Variants in CSMD1 observed in about 807,000 individuals in gnomAD.
CSMD1 encodes CUB and Sushi multiple domains 1, also known as CUB and sushi domain-containing protein 1.
Under a neutral mutation model 417.5 loss-of-function variants are expected in CSMD1, and 213 were observed. The observed-to-expected ratio is 0.51, with a 90% CI of 0.46 to 0.57. The LOEUF is 0.57. Among genes scored for constraint, CSMD1 ranks in the 20% least tolerant of loss-of-function variants. The pLI is 0.00. For missense variants in CSMD1, 6,923 were observed against 4,529.7 expected (o/e 1.53, Z -15.17); for synonymous variants, 2,862 against 1,736.8 (o/e 1.65, Z -16.11).
At chr8:3,685,650 C>CT (rs1799908918) in intron 7 of CSMD1, among the ~76,000 whole-genome samples, 1 of 152,076 alleles carries the variant, frequency 6.6e-6, no homozygotes, top group Admixed American at 6.5e-5. Context: ...TTTTAGAGGC[C>CT]TGGGGGTGCT....
intron 3 of CSMD1, among the ~76,000 whole-genome samples, chr8:4,301,685 A>G (rs966452525): frequency 6.6e-6 from 1 of 152,132 alleles, no homozygotes; most frequent in African/African-American, 2.4e-5. Context: ...CATGGACCAG[A>G]TTATTATTTT....
intron 1 of CSMD1, among the ~76,000 whole-genome samples, chr8:4,839,432 T>G (rs569715059): frequency 1.2e-4 from 18 of 152,322 alleles, no homozygotes; most frequent in African/African-American, 4.1e-4. Flanking sequence ...GTATTTCTAG[T>G]TCTGAAAAAA....
chr8:3,226,414 C>G (rs1218631198), intron 27 of CSMD1, among the ~76,000 whole-genome samples: 1 of 151,902 alleles, frequency 6.6e-6, no homozygotes, highest in Non-Finnish European at 1.5e-5. Flanking sequence ...AAAACCTAGT[C>G]TCTACTAAAA....
chr8:4,013,691 G>T (rs1027669284), intron 4 of CSMD1, among the ~76,000 whole-genome samples: 3 of 152,106 alleles, frequency 2.0e-5, no homozygotes, highest in African/African-American at 7.2e-5. Flanking sequence ...TTCTTGTTTT[G>T]TTCATATTGT....
At chr8:4,363,950 A>G (rs549349022) in intron 3 of CSMD1, among the ~76,000 whole-genome samples, 1 of 152,318 alleles carries the variant, frequency 6.6e-6, no homozygotes, top group South Asian at 2.1e-4. Context: ...AAGTACAAAA[A>G]AGAAAGAATG....
chr8:3,436,098 G>C (rs1814541704), intron 12 of CSMD1, among the ~76,000 whole-genome samples: 2 of 152,106 alleles, frequency 1.3e-5, no homozygotes, highest in Non-Finnish European at 2.9e-5. Context: ...AAGGAGCAGA[G>C]GCTCCCTCAC....
chr8:3,363,668 C>CA (rs1240427491), intron 20 of CSMD1, among the ~76,000 whole-genome samples: 1 of 152,200 alleles, frequency 6.6e-6, no homozygotes, highest in Non-Finnish European at 1.5e-5. Flanking sequence ...GCTGCGACCA[C>CA]AGGCGCCTGC....
intron 40 of CSMD1, among the ~76,000 whole-genome samples, chr8:3,143,044 T>A (rs1818601377): frequency 6.6e-6 from 1 of 152,220 alleles, no homozygotes; most frequent in East Asian, 1.9e-4. Context: ...ATCTTAAATA[T>A]GAAGTTGTGA....
At chr8:4,806,656 G>C (rs187148545) in intron 1 of CSMD1, among the ~76,000 whole-genome samples, 4 of 152,270 alleles carry the variant, frequency 2.6e-5, no homozygotes, top group East Asian at 1.9e-4. Context: ...ACCATACAAA[G>C]AAAAGAAGCA....
At chr8:3,926,110 C>CACACACACACAAACACCAT (rs1809699067) in intron 5 of CSMD1, among the ~76,000 whole-genome samples, 7 of 79,272 alleles carry the variant, frequency 8.8e-5, no homozygotes, top group Non-Finnish European at 1.5e-4. Context: ...CACACACACA[C>CACACACACACAAACACCAT]ACACACACAC....
At position 2,935,826 on chromosome 8, in the gene CSMD1, A is replaced by AT. The variant is rs1387686968; in HGVS notation, c.*2758dup. The AT allele has an allele frequency of 3.3e-5, 5 of 152,200 alleles. No homozygotes were observed. The highest frequency in any genetic ancestry group is 3.3e-4 in the Admixed American group (5 of 15,278). 9.4% of individuals were successfully genotyped at this position (152,200 alleles called of 1,614,324 possible). A position where few individuals can be genotyped will look rare whatever the true frequency, so the allele number is the denominator to read the frequency against. ...ATAGCTTTTTGTTGTTGTTTACAAA[A>AT]TATTTTACAGAAGAAAAAAATTATT... On this transcript the variant is annotated 3_prime_UTR_variant, in exon 70 of 70. Transcript: ENST00000635120.
At chr8:4,821,163 C>G (rs1799501174) in intron 1 of CSMD1, among the ~76,000 whole-genome samples, 1 of 152,174 alleles carries the variant, frequency 6.6e-6, no homozygotes, top group Non-Finnish European at 1.5e-5. Flanking sequence ...CACAGATCCT[C>G]TCTTCTCTGT....
At chr8:3,683,513 G>T (rs1039652594) in intron 7 of CSMD1, among the ~76,000 whole-genome samples, 1 of 152,142 alleles carries the variant, frequency 6.6e-6, no homozygotes, top group African/African-American at 2.4e-5. Flanking sequence ...CTCACTTGGA[G>T]GGGGAGGTAT....
chr8:3,499,132 G>T (rs1384789508), intron 10 of CSMD1, among the ~76,000 whole-genome samples: 1 of 152,186 alleles, frequency 6.6e-6, no homozygotes, highest in Non-Finnish European at 1.5e-5. Context: ...ATATTAGAAT[G>T]TAGTTTTAGT....
intron 10 of CSMD1, among the ~76,000 whole-genome samples, chr8:3,501,878 G>A (rs1353715728): frequency 2.0e-5 from 3 of 152,080 alleles, no homozygotes; most frequent in Non-Finnish European, 4.4e-5. Context: ...TTAATGATAA[G>A]GAGACAAACT....
At chr8:4,844,670 G>A (rs544303646) in intron 1 of CSMD1, among the ~76,000 whole-genome samples, 26 of 152,204 alleles carry the variant, frequency 1.7e-4, no homozygotes, top group Non-Finnish European at 3.2e-4. Context: ...GGATCAAAAA[G>A]AAATAGAATT....
intron 3 of CSMD1, among the ~76,000 whole-genome samples, chr8:4,092,732 A>G (rs1217009297): frequency 6.6e-6 from 1 of 152,098 alleles, no homozygotes; most frequent in Non-Finnish European, 1.5e-5. Flanking sequence ...CAACTTTTTA[A>G]CTTCCACATT....
intron 33 of CSMD1, among the ~76,000 whole-genome samples, chr8:3,197,760 G>A (rs1045460984): frequency 3.3e-5 from 5 of 152,144 alleles, no homozygotes; most frequent in Non-Finnish European, 4.4e-5. Context: ...CACCGTGCCC[G>A]GCTTCAAATA....
Position 3,030,337 on chromosome 8 carries a change from G to A in CSMD1, c.7661-824C>T, listed in dbSNP as rs139905268. ...AAACCAGAACCATTTCTCTAATTAC[G>A]AAGATTTAGTAGCTATCATTCATTA... On this transcript the variant is annotated intron_variant, in intron 50 of 69. Coordinates refer to ENST00000635120, the MANE Select transcript of CSMD1 (RefSeq NM_033225.6). Among the ~76,000 whole-genome samples the A allele has an allele frequency of 4.9e-3, 747 of 151,942 alleles. 4 individuals are homozygous for A. Among genetic ancestry groups the A allele is most frequent in the African/African-American group, 0.017 (690 of 41,466 alleles).
Sources: gnomAD v4.1 joint callset for allele counts (sites outside exome capture counted in the v4.1 genomes callset) on GRCh38, gnomAD v4.1.1 for gene constraint, MANE v1.5 for transcripts, NCBI Gene and HGNC (gene_info 2026-07-23, HGNC 2026-07-21) for gene names.